NDRG2: variants seen among roughly 807,000 people sequenced by gnomAD.
NDRG2 encodes the protein NDRG family member 2.
NDRG2 carries 34 observed loss-of-function variants against 58.2 expected under a neutral mutation model. The observed-to-expected ratio is 0.58, with a 90% CI of 0.44 to 0.78. The LOEUF (loss-of-function observed/expected upper bound fraction) is 0.78. Among genes scored for constraint, NDRG2 ranks in the 30% least tolerant of loss-of-function variants. NDRG2 has a pLI of 0.00. For missense variants in NDRG2, 434 were observed against 471.2 expected (o/e 0.92, Z 0.73); for synonymous variants, 187 against 175.9 (o/e 1.06, Z -0.50).
chr14:21,023,158 C>G, intron 2 of NDRG2, 83 bp downstream of exon 2: 1 of 1,166,136 alleles, frequency 8.6e-7, no homozygotes, highest in Non-Finnish European at 1.3e-6. Flanking sequence ...AGAATAAGAT[C>G]AGTACGCTTG....
intron 1 of NDRG2, chr14:21,032,846 T>A (rs1019424735): frequency 1.9e-5 from 8 of 423,036 alleles, no homozygotes; most frequent in Admixed American, 5.7e-5. Context: ...TATTTTGAAT[T>A]GATTATGGGT....
At chr14:21,022,932 A>G (rs1486479288) in intron 2 of NDRG2, 27 bp from the exon 3 acceptor site, 3 of 1,613,788 alleles carry the variant, frequency 1.9e-6, no homozygotes, top group Non-Finnish European at 2.5e-6. Context: ...GGATTCACAC[A>G]GAAACACATG....
intron 1 of NDRG2, chr14:21,032,424 C>G: frequency 4.7e-6 from 2 of 429,730 alleles, no homozygotes; most frequent in South Asian, 1.8e-5. Flanking sequence ...CTGATATCCA[C>G]CTCTCCACCC....
intron 1 of NDRG2, among the ~76,000 whole-genome samples, chr14:21,064,998 A>G (rs1424832537): frequency 2.0e-5 from 3 of 152,002 alleles, no homozygotes; most frequent in Admixed American, 2.0e-4. Flanking sequence ...TGCTGAAACC[A>G]CATTTCTACT....
intron 1 of NDRG2, among the ~76,000 whole-genome samples, chr14:21,047,906 C>T (rs78393118): frequency 0.016 from 2,444 of 152,148 alleles, 71 homozygotes; most frequent in African/African-American, 0.056. Context: ...ATGAAGAGGG[C>T]CAACAGAATC....
chr14:21,031,594 G>T (rs1226680767), intron 1 of NDRG2, among the ~76,000 whole-genome samples: 1 of 152,028 alleles, frequency 6.6e-6, no homozygotes, highest in Admixed American at 6.5e-5. Flanking sequence ...CGGGGAGTGG[G>T]AGTGAAGTCC....
Position 21,018,814 on chromosome 14 carries a change from C to T in NDRG2, c.762G>A (p.Arg254=). 1.2e-6 allele frequency: 2 copies of T among 1,614,186 alleles called. No individual in the cohort carries two copies. Among genetic ancestry groups the T allele is most frequent in the Middle Eastern group, 1.6e-4 (1 of 6,062 alleles). The change falls in exon 12 of 16, where the codon AGG becomes AGA. Residue 254 remains arginine, a splice_region_variant and synonymous_variant. Coordinates refer to ENST00000556147, the MANE Select transcript of NDRG2 (RefSeq NM_001320329.2). Reference sequence around the variant, plus strand: ...CTCCTACCACCAGCATCACAGGACACCTAAAGACACAGTGTTGGGGAGAAG... The same window carrying T: ...CTCCTACCACCAGCATCACAGGACATCTAAAGACACAGTGTTGGGGAGAAG... The part of the protein sequence containing the change: ...NFERGGDITL[R]CPVMLVVGDQ...
In NDRG2 at chr14:21,019,762, G is replaced by T. The variant is rs1438052426; in HGVS notation, c.613-20C>A. 2 of 1,570,506 alleles carry T rather than the reference G, an allele frequency of 1.3e-6. No individual in the cohort carries two copies. The highest frequency in any genetic ancestry group is 1.8e-6 in the Non-Finnish European group (2 of 1,142,368). On this transcript the variant is annotated intron_variant, in intron 9 of 15. Coordinates refer to ENST00000556147, the MANE Select transcript of NDRG2 (RefSeq NM_001320329.2). Reference sequence around the variant, plus strand: ...CTCTTCCTGAAGGAGAGAACAAGGAGAAAAATTAGGGATGGAAAGAGAAAA... The same window carrying T: ...CTCTTCCTGAAGGAGAGAACAAGGATAAAAATTAGGGATGGAAAGAGAAAA...
chr14:21,067,980 CTTTTTTTTTTTT>C (rs1171332473), intron 1 of NDRG2, among the ~76,000 whole-genome samples: 1 of 22,262 alleles, frequency 4.5e-5, no homozygotes, highest in East Asian at 8.4e-4. Flanking sequence ...AGTGGCTCCC[CTTTTTTTTTTTT>C]TTTTTTTTTT....
rs371682070 is a variant in NDRG2 at position 21,057,853 on chromosome 14, C to T, written c.24+12975G>A. The stretch of plus-strand genomic sequence containing the variant: ...TCCCCCATGATGACCTATTCATCCA[C>T]CTACCTCCTCACTCTGTTCCACTGT... On this transcript the variant is annotated intron_variant, in intron 1 of 14. Coordinates refer to the NDRG2 transcript ENST00000403829. 3.8e-6 allele frequency: 6 copies of T among 1,566,682 alleles called. No individual in the cohort carries two copies. In the African/African-American group the frequency reaches 8.1e-5, roughly 21 times the overall value.
In NDRG2 at chr14:21,070,181, G is replaced by T; in HGVS notation, c.24+647C>A. On this transcript the variant is annotated intron_variant, in intron 1 of 14. Transcript: ENST00000403829. This position sits in a 1 kb window ranked among gnomAD's most constrained non-coding sequence, Gnocchi z 4.7. ...CCGGCAAGGGGTCCCGCGCGGAGGC[G>T]GGGGCGGGCGCTGAAGGGCGGGGCG... The T allele has an allele frequency of 3.8e-6, 1 of 262,620 alleles. No homozygotes were observed. Among genetic ancestry groups the T allele is most frequent in the East Asian group, 8.8e-5 (1 of 11,316 alleles). The allele number at this position is 262,620 out of a possible 1,614,324, so 16.3% of individuals were successfully genotyped here.
chr14:21,053,655 T>A (rs1257289114), intron 1 of NDRG2, among the ~76,000 whole-genome samples: 2 of 151,594 alleles, frequency 1.3e-5, no homozygotes, highest in Non-Finnish European at 2.9e-5. Flanking sequence ...AAAAGAAAAA[T>A]TAGCCACACG....
At chr14:21,051,013 T>C (rs1885442024) in intron 1 of NDRG2, among the ~76,000 whole-genome samples, 1 of 152,244 alleles carries the variant, frequency 6.6e-6, no homozygotes, top group African/African-American at 2.4e-5. Flanking sequence ...TACAAAGTTA[T>C]TTTCTGTAAA....
Position 21,019,993 on chromosome 14 carries a change from G to A in NDRG2, c.556-17C>T, listed in dbSNP as rs149963620. 31 of 1,612,464 alleles carry A rather than the reference G, an allele frequency of 1.9e-5. No homozygotes were observed. The East Asian group carries it at 3.3e-4, about 17-fold the overall frequency. On this transcript the variant is annotated splice_polypyrimidine_tract_variant and intron_variant, in intron 8 of 15. Coordinates refer to ENST00000556147, the MANE Select transcript of NDRG2 (RefSeq NM_001320329.2). The stretch of plus-strand genomic sequence containing the variant: ...GCCTGTTAGCTATGAGGAGAAGGCA[G>A]GTGAGAAAGTTCAGGGTATTGGCCA...
Position 21,070,210 on chromosome 14 carries a change from A to C in NDRG2, c.24+618T>G. ...GCGGGCGCTGAAGGGCGGGGCGGGG[A>C]GGGGCGGCCGTCTCGGCCCTCCCTG... On this transcript the variant is annotated intron_variant, in intron 1 of 14. Coordinates refer to the NDRG2 transcript ENST00000403829. The surrounding 1 kb of genome is among the most constrained non-coding windows in gnomAD (Gnocchi z 4.7). 1 of 351,478 alleles carries C rather than the reference A, an allele frequency of 2.8e-6. No homozygotes were observed. The highest frequency in any genetic ancestry group is 4.3e-6 in the Non-Finnish European group (1 of 231,428). 21.8% of individuals were successfully genotyped at this position (351,478 alleles called of 1,614,324 possible).
chr14:21,030,566 C>G, upstream of NDRG2: 1 of 1,611,924 alleles, frequency 6.2e-7, no homozygotes, highest in Non-Finnish European at 8.5e-7. Flanking sequence ...CTGCCCTCCC[C>G]GACCTCTAGC....
In NDRG2 at chr14:21,069,359, G is replaced by C. The variant is rs539419578; in HGVS notation, c.24+1469C>G. On this transcript the variant is annotated intron_variant, in intron 1 of 14. Transcript: ENST00000403829. The stretch of plus-strand genomic sequence containing the variant: ...CCCATTCCCATGGCCACGAGCCCTA[G>C]CGGCCCTGCGGGACTCTATAGCCAC... Among the ~76,000 whole-genome samples the C allele has an allele frequency of 5.3e-4, 81 of 152,310 alleles. 2 individuals carry two copies. The highest frequency in any genetic ancestry group is 1.9e-3 in the African/African-American group (79 of 41,576).
upstream of NDRG2, chr14:21,025,082 C>T (rs1040091990): frequency 7.1e-6 from 7 of 986,190 alleles, no homozygotes; most frequent in African/African-American, 1.0e-4. This position sits in a 1 kb window ranked among gnomAD's most constrained non-coding sequence, Gnocchi z 5.1. Context: ...CGGGCCCGCC[C>T]CGGCTCGGGC....
At position 21,070,105 on chromosome 14, in the gene NDRG2, G is replaced by A. The variant is rs1886566416; in HGVS notation, c.24+723C>T. Among the ~76,000 whole-genome samples, 1 of 152,002 alleles carries A rather than the reference G, an allele frequency of 6.6e-6. No individual in the cohort carries two copies. The highest frequency in any genetic ancestry group is 1.5e-5 in the Non-Finnish European group (1 of 67,942). On this transcript the variant is annotated intron_variant, in intron 1 of 14. Coordinates refer to the NDRG2 transcript ENST00000403829. The surrounding 1 kb of genome is among the most constrained non-coding windows in gnomAD (Gnocchi z 4.7). ...AGGTTGCCGGTGAACGGGACGGATA[G>A]GCTGGGGACGCCCGGGGAACGGCAG...
Sources: allele counts gnomAD v4.1 joint callset (sites outside exome capture counted in the v4.1 genomes callset), GRCh38; gene constraint gnomAD v4.1.1; non-coding constraint Gnocchi (gnomAD v3.1); transcripts MANE v1.5; gene names NCBI Gene and HGNC (gene_info 2026-07-23, HGNC 2026-07-21).